ATP8A1: variants seen among roughly 807,000 people sequenced by gnomAD.
ATP8A1 encodes the protein ATPase phospholipid transporting 8A1.
Under a neutral mutation model 177.7 loss-of-function variants are expected in ATP8A1, and 90 were observed. That is an observed-to-expected ratio of 0.51 (90% CI 0.43 to 0.60). The LOEUF is 0.60. Among genes scored for constraint, ATP8A1 ranks in the 20% least tolerant of loss-of-function variants. ATP8A1 has a pLI of 0.00. For missense variants in ATP8A1, 1,072 were observed against 1,392.8 expected, an observed-to-expected ratio of 0.77 and a Z score of 3.67; for synonymous variants, 493 against 485.9, an observed-to-expected ratio of 1.01 and a Z score of -0.19.
intron 10 of ATP8A1, 118 bp from the exon 11 acceptor site, chr4:42,580,096 C>T (rs368875438): frequency 9.8e-6 from 7 of 710,764 alleles, no homozygotes; most frequent in African/African-American, 5.7e-5. Flanking sequence ...TGGGTGGATA[C>T]GTGAAAATTA....
intron 20 of ATP8A1, among the ~76,000 whole-genome samples, chr4:42,529,924 A>G (rs1171659076): frequency 2.7e-4 from 41 of 151,552 alleles, no homozygotes; most frequent in Admixed American, 2.7e-3. Context: ...AGGGACTTGG[A>G]AGAAGCATGA....
chr4:42,428,708 T>C (rs1289941647), intron 33 of ATP8A1, among the ~76,000 whole-genome samples: 2 of 152,156 alleles, frequency 1.3e-5, no homozygotes, highest in Non-Finnish European at 2.9e-5. Flanking sequence ...TACAAAATCT[T>C]TAATACAATT....
At chr4:42,512,441 A>G (rs1251673385) in intron 22 of ATP8A1, among the ~76,000 whole-genome samples, 1 of 152,192 alleles carries the variant, frequency 6.6e-6, no homozygotes, top group Non-Finnish European at 1.5e-5. Context: ...ACAAGCACAC[A>G]TGCATGCCTG....
intron 19 of ATP8A1, among the ~76,000 whole-genome samples, chr4:42,547,689 T>G (rs546752459): frequency 6.6e-6 from 1 of 152,316 alleles, no homozygotes; most frequent in Non-Finnish European, 1.5e-5. Context: ...TTATTCAATG[T>G]ATTCATCTTC....
At chr4:42,471,526 G>T (rs1720412797) in intron 25 of ATP8A1, among the ~76,000 whole-genome samples, 1 of 152,172 alleles carries the variant, frequency 6.6e-6, no homozygotes, top group South Asian at 2.1e-4. Flanking sequence ...TTTAAATAGG[G>T]ACCGTTTCTA....
chr4:42,448,307 AC>A (rs1356069422), intron 30 of ATP8A1, among the ~76,000 whole-genome samples: 5 of 151,998 alleles, frequency 3.3e-5, no homozygotes, highest in Non-Finnish European at 7.4e-5. Context: ...AAAGAAGAAG[AC>A]TATTTTAATA....
In ATP8A1 at chr4:42,485,584, C is replaced by T. The variant is rs1722112458; in HGVS notation, c.2236G>A (p.Gly746Arg). 6.2e-7 allele frequency: 1 copy of T among 1,613,750 alleles called. No homozygotes were observed. The highest frequency in any genetic ancestry group is 8.5e-7 in the Non-Finnish European group (1 of 1,179,770). ...GTTAAGGCATATTTGAGGGTTTTCCCATCAATTATAAGAGCAAAATCATTC... is the reference window on the plus strand; with the variant it reads ...GTTAAGGCATATTTGAGGGTTTTCCTATCAATTATAAGAGCAAAATCATTC... ...KENDFALIID[G>R]KTLKYALTFG... Residue 746 changes from glycine to arginine, a missense_variant, in exon 25 of 37, where the codon GGG becomes AGG. Gly to Arg is a moderately radical substitution (Grantham distance 125). Transcript: ENST00000381668.
chr4:42,643,195 T>C (rs540293640), intron 1 of ATP8A1, among the ~76,000 whole-genome samples: 54 of 152,220 alleles, frequency 3.5e-4, no homozygotes, highest in African/African-American at 1.2e-3. Flanking sequence ...TTCATAGCAA[T>C]GGGGAACACG....
intron 5 of ATP8A1, among the ~76,000 whole-genome samples, chr4:42,612,164 A>T (rs1310333091): frequency 6.6e-6 from 1 of 152,092 alleles, no homozygotes; most frequent in Non-Finnish European, 1.5e-5. Context: ...AAAGTCTGGG[A>T]CACAGTGTTA....
intron 33 of ATP8A1, among the ~76,000 whole-genome samples, chr4:42,435,049 G>A (rs942725780): frequency 1.3e-5 from 2 of 152,206 alleles, no homozygotes; most frequent in African/African-American, 4.8e-5. Flanking sequence ...ATGCTAGGGA[G>A]CTTAAGTGAC....
intron 1 of ATP8A1, among the ~76,000 whole-genome samples, chr4:42,638,241 T>C (rs1038906437): frequency 2.9e-4 from 44 of 152,254 alleles, no homozygotes; most frequent in African/African-American, 1.0e-3. Context: ...GACATGTTTC[T>C]TTAAGTGCCT....
intron 1 of ATP8A1, among the ~76,000 whole-genome samples, chr4:42,633,656 C>G (rs1738978836): frequency 6.6e-6 from 1 of 152,148 alleles, no homozygotes; most frequent in East Asian, 1.9e-4. Context: ...TATAATAGAA[C>G]TAATAACAGT....
intron 7 of ATP8A1, 121 bp from the exon 8 acceptor site, chr4:42,588,450 C>T: frequency 1.4e-6 from 1 of 720,540 alleles, no homozygotes; most frequent in East Asian, 2.9e-5. Flanking sequence ...AGTTACTTAG[C>T]TTCTTGATGA....
At chr4:42,632,361 C>G (rs1234960095) in intron 1 of ATP8A1, among the ~76,000 whole-genome samples, 1 of 152,036 alleles carries the variant, frequency 6.6e-6, no homozygotes, top group Non-Finnish European at 1.5e-5. Context: ...TTCCTATTCC[C>G]CCTGCCAGCA....
intron 1 of ATP8A1, among the ~76,000 whole-genome samples, chr4:42,653,270 C>T (rs1741289896): frequency 7.4e-6 from 1 of 134,430 alleles, no homozygotes; most frequent in Non-Finnish European, 1.6e-5. Context: ...CCACCTTAAA[C>T]ATTTTGCTTT....
chr4:42,472,672 A>C (rs1046502141), intron 25 of ATP8A1, among the ~76,000 whole-genome samples: 2 of 149,902 alleles, frequency 1.3e-5, no homozygotes, highest in African/African-American at 4.9e-5. Flanking sequence ...TGAACCTGGG[A>C]GATGGAGGTT....
At position 42,656,988 on chromosome 4, in the gene ATP8A1, C is replaced by G; in HGVS notation, c.-115G>C. The G allele has an allele frequency of 9.0e-7, 1 of 1,115,340 alleles. No homozygotes were observed. The highest frequency in any genetic ancestry group is 3.2e-4 in the Middle Eastern group (1 of 3,096). 69.1% of individuals were successfully genotyped at this position (1,115,340 alleles called of 1,614,324 possible). On this transcript the variant is annotated 5_prime_UTR_variant, in exon 1 of 37. Transcript: ENST00000381668. ...GCGCTCAGCTGCAGCCTGGGCCGCGCCGCCGCCCACCTAGGGCAGAGCTGC... is the reference window on the plus strand; with the variant it reads ...GCGCTCAGCTGCAGCCTGGGCCGCGGCGCCGCCCACCTAGGGCAGAGCTGC...
chr4:42,636,156 A>ACACACACACGCGCGTGCGCGCG (rs565139270), intron 1 of ATP8A1, among the ~76,000 whole-genome samples: 1 of 90,898 alleles, frequency 1.1e-5, no homozygotes, highest in African/African-American at 3.3e-5. Flanking sequence ...ACACACACAC[A>ACACACACACGCGCGTGCGCGCG]CGCACACACA....
rs896430407 is a variant in ATP8A1 at position 42,471,925 on chromosome 4, C to G, written c.2325-6849G>C. 6.1e-6 allele frequency: 4 copies of G among 653,740 alleles called. No individual in the cohort carries two copies. The East Asian group carries it at 1.3e-4, about 21-fold the overall frequency. 40.5% of individuals were successfully genotyped at this position (653,740 alleles called of 1,614,324 possible). A position where few individuals can be genotyped will look rare whatever the true frequency, so the allele number is the denominator to read the frequency against. ...GGAGATAAACTCGGACCTCAAGGCTCAGCTCAGGAAGCTGAGTATTACAGC... is the reference window on the plus strand; with the variant it reads ...GGAGATAAACTCGGACCTCAAGGCTGAGCTCAGGAAGCTGAGTATTACAGC... On this transcript the variant is annotated intron_variant, in intron 25 of 36. Transcript: ENST00000381668.
Sources: gnomAD v4.1 joint callset for allele counts (sites outside exome capture counted in the v4.1 genomes callset) on GRCh38, gnomAD v4.1.1 for gene constraint, MANE v1.5 for transcripts, NCBI Gene and HGNC (gene_info 2026-07-23, HGNC 2026-07-21) for gene names.